COL6A5: variants seen among roughly 807,000 people sequenced by gnomAD.
COL6A5 encodes collagen alpha-5(VI) chain.
A neutral mutation model predicts 65.6 loss-of-function variants in COL6A5; 48 were observed. The observed-to-expected ratio is 0.73, with a 90% CI of 0.58 to 0.93. The LOEUF is 0.93. Ranked by LOEUF, COL6A5 falls within the 40% of genes least tolerant of loss-of-function variation. COL6A5 has a pLI of 0.00. For missense variants in COL6A5, 914 were observed against 928.3 expected, an observed-to-expected ratio of 0.98 and a Z score of 0.20; for synonymous variants, 291 against 322.8, an observed-to-expected ratio of 0.90 and a Z score of 1.05.
At chr3:130,431,782 A>C (rs770477781) in exon 1 of COL6A5, 2 of 1,551,492 alleles carry the variant, frequency 1.3e-6, no homozygotes, top group African/African-American at 2.7e-5. Context: ...CAACGTGTTC[A>C]AGCGGACGTA....
At chr3:130,401,770 T>C in exon 12 of COL6A5, 1 of 1,551,116 alleles carries the variant, frequency 6.4e-7, no homozygotes. Flanking sequence ...AGGGAAATAT[T>C]GCAGAGAGGA....
In COL6A5 at chr3:130,475,087, A is replaced by G. The variant is rs59457884; in HGVS notation, c.2328+4120A>G. Among the ~76,000 whole-genome samples, 11 of 151,888 alleles carry G rather than the reference A, an allele frequency of 7.2e-5. No individual in the cohort carries two copies. In the East Asian group the frequency reaches 7.8e-4, roughly 11 times the overall value. ...AACTTGAAGAAAGATTAATTATGCA[A>G]TTATACAAACTGAAGAGAGAAAAGA... is the stretch of plus-strand genomic sequence containing the variant. On this transcript the variant is annotated intron_variant, in intron 7 of 7. Coordinates refer to ENST00000512836, the Ensembl canonical transcript of COL6A5.
intron 5 of COL6A5, among the ~76,000 whole-genome samples, chr3:130,388,174 A>G (rs1183099408): frequency 6.6e-6 from 1 of 152,142 alleles, no homozygotes; most frequent in East Asian, 1.9e-4. Flanking sequence ...TCTCCAGAAT[A>G]TACATAAAAC....
chr3:130,410,423 A>G (rs1053201447), intron 19 of COL6A5, 48 bp from the exon 20 acceptor site: 3 of 1,403,420 alleles, frequency 2.1e-6, no homozygotes, highest in African/African-American at 2.9e-5. Context: ...TTTGTGATTT[A>G]TTCAGAATTT....
chr3:130,393,069 T>G (rs907646856), intron 7 of COL6A5, among the ~76,000 whole-genome samples: 6 of 103,010 alleles, frequency 5.8e-5, no homozygotes, highest in Non-Finnish European at 1.2e-4. Flanking sequence ...CTTACAGTGT[T>G]TTTTTTTTGT....
At chr3:130,391,445 A>C in exon 7 of COL6A5, 1 of 1,551,724 alleles carries the variant, frequency 6.4e-7, no homozygotes, top group Non-Finnish European at 8.7e-7. Context: ...CTACACTGCC[A>C]AGGCTCTCAA....
chr3:130,453,555 C>T (rs1194912267), intron 4 of COL6A5, among the ~76,000 whole-genome samples: 3 of 152,102 alleles, frequency 2.0e-5, no homozygotes, highest in African/African-American at 7.2e-5. Context: ...ATAAAAGACT[C>T]CACAATATAA....
At chr3:130,473,981 CAGT>C (rs1424527901) in intron 7 of COL6A5, among the ~76,000 whole-genome samples, 2 of 152,062 alleles carry the variant, frequency 1.3e-5, no homozygotes, top group South Asian at 4.1e-4. Context: ...CAAGCAGTAA[CAGT>C]AGTAACTTGT....
chr3:130,384,768 G>T (rs1170227275), intron 4 of COL6A5, 36 bp from the exon 5 acceptor site: 1 of 1,460,906 alleles, frequency 6.8e-7, no homozygotes, highest in African/African-American at 1.4e-5. Flanking sequence ...TTCTCTCTAG[G>T]TTCTCTAATT....
At chr3:130,354,635 A>G (rs1421888172) in intron 1 of COL6A5, among the ~76,000 whole-genome samples, 3 of 152,174 alleles carry the variant, frequency 2.0e-5, no homozygotes, top group Non-Finnish European at 4.4e-5. Context: ...ACCACTTCCT[A>G]AAAGAGTCAC....
At chr3:130,348,767 C>T (rs577777702) in intron 1 of COL6A5, among the ~76,000 whole-genome samples, 1 of 152,346 alleles carries the variant, frequency 6.6e-6, no homozygotes, top group East Asian at 1.9e-4. Flanking sequence ...TATTTCTCCA[C>T]ATCCTCTCCA....
intron 5 of COL6A5, among the ~76,000 whole-genome samples, chr3:130,464,686 G>A (rs1559917262): frequency 6.6e-6 from 1 of 152,066 alleles, no homozygotes; most frequent in Non-Finnish European, 1.5e-5. Context: ...AATATGTGCT[G>A]TGGTCTGCAC....
At chr3:130,447,970 T>C (rs548843961) in intron 4 of COL6A5, among the ~76,000 whole-genome samples, 1 of 152,262 alleles carries the variant, frequency 6.6e-6, no homozygotes, top group African/African-American at 2.4e-5. Context: ...TGATTGTCAA[T>C]AATGCCAATA....
intron 10 of COL6A5, among the ~76,000 whole-genome samples, chr3:130,399,948 G>T (rs1036069690): frequency 6.6e-6 from 1 of 150,836 alleles, no homozygotes; most frequent in African/African-American, 2.4e-5. Flanking sequence ...GTAGAAATGG[G>T]GTTTTTCCAT....
chr3:130,462,078 A>T (rs1709715504), intron 5 of COL6A5, among the ~76,000 whole-genome samples: 1 of 152,134 alleles, frequency 6.6e-6, no homozygotes. Context: ...ATTCAGGTAG[A>T]TGAGGGAAGA....
intron 5 of COL6A5, among the ~76,000 whole-genome samples, chr3:130,466,395 G>A (rs1709815694): frequency 6.6e-6 from 1 of 151,870 alleles, no homozygotes; most frequent in South Asian, 2.1e-4. Context: ...AATAAAAAGG[G>A]ACATTAGAAA....
rs934540916 is a variant in COL6A5, at chr3:130,415,785, A to G, written c.4824+78A>G. The G allele has an allele frequency of 6.6e-6, 8 of 1,221,208 alleles. No homozygotes were observed. In the South Asian group the frequency reaches 8.8e-5, roughly 13 times the overall value. 75.6% of individuals were successfully genotyped at this position (1,221,208 alleles called of 1,614,324 possible). On this transcript the variant is annotated intron_variant and NMD_transcript_variant, in intron 23 of 41. Coordinates refer to the COL6A5 transcript ENST00000312481. ...TTAGTGCAAAAAAATCTTCACATAT[A>G]ATTTTTTGTATTATTTACATATATA...
chr3:130,377,587 G>C (rs182027807), intron 3 of COL6A5, among the ~76,000 whole-genome samples: 2 of 152,212 alleles, frequency 1.3e-5, no homozygotes, highest in Non-Finnish European at 2.9e-5. Flanking sequence ...GCATTCTGCT[G>C]TGTTGAGCCC....
At chr3:130,393,896 C>A (rs1453424018) in intron 7 of COL6A5, among the ~76,000 whole-genome samples, 1 of 152,188 alleles carries the variant, frequency 6.6e-6, no homozygotes, top group African/African-American at 2.4e-5. Context: ...CCTGAAAGTG[C>A]TGACAGCTAG....
Sources: allele counts gnomAD v4.1 joint callset (sites outside exome capture counted in the v4.1 genomes callset), GRCh38; gene constraint gnomAD v4.1.1; transcripts MANE v1.5; gene names NCBI Gene and HGNC (gene_info 2026-07-23, HGNC 2026-07-21).